YIPF7: variants seen among roughly 807,000 people sequenced by gnomAD.
YIPF7 encodes the protein Yip1 domain family member 7, also known as protein YIPF7.
YIPF7 carries 35 observed loss-of-function variants against 27.2 expected under a neutral mutation model. That is an observed-to-expected ratio of 1.29 (90% CI 0.98 to 1.70). YIPF7 has a LOEUF of 1.70. Among genes scored for constraint, YIPF7 ranks in the 40% most tolerant of loss-of-function variants. The pLI is 0.00. For synonymous variants in YIPF7, 137 were observed against 110.4 expected, an observed-to-expected ratio of 1.24 and a Z score of -1.51; for missense variants, 358 against 303.7, an observed-to-expected ratio of 1.18 and a Z score of -1.33.
chr4:44,631,381 C>T (rs1712891207), intron 3 of YIPF7, among the ~76,000 whole-genome samples: 1 of 152,138 alleles, frequency 6.6e-6, no homozygotes, highest in South Asian at 2.1e-4. Flanking sequence ...TATAGCTCAA[C>T]TTATTTTACA....
At chr4:44,639,819 T>C (rs1369930147) in intron 2 of YIPF7, among the ~76,000 whole-genome samples, 1 of 152,168 alleles carries the variant, frequency 6.6e-6, no homozygotes, top group Non-Finnish European at 1.5e-5. Context: ...CATGATGTTA[T>C]CTGTGGATTT....
intron 2 of YIPF7, among the ~76,000 whole-genome samples, chr4:44,645,588 A>G (rs1577741668): frequency 6.6e-6 from 1 of 152,232 alleles, no homozygotes; most frequent in South Asian, 2.1e-4. Flanking sequence ...GTATTATGCA[A>G]TATCTCCATT....
intron 5 of YIPF7, 136 bp downstream of exon 5, chr4:44,624,465 T>C: frequency 1.0e-6 from 1 of 989,382 alleles, no homozygotes; most frequent in South Asian, 2.0e-5. Context: ...TCTTAATCTA[T>C]GAGTAGCTTT....
chr4:44,644,955 C>G (rs1022128355), intron 2 of YIPF7, among the ~76,000 whole-genome samples: 2 of 152,184 alleles, frequency 1.3e-5, no homozygotes, highest in Non-Finnish European at 2.9e-5. Flanking sequence ...CCTCCCCACT[C>G]TCTCTTGGTT....
intron 2 of YIPF7, among the ~76,000 whole-genome samples, chr4:44,657,768 G>C (rs1383985027): frequency 2.0e-5 from 3 of 152,142 alleles, no homozygotes; most frequent in African/African-American, 7.2e-5. Flanking sequence ...TAACGATGCT[G>C]CTTTTCTAAG....
rs367822214 is a variant in YIPF7 at position 44,636,025 on chromosome 4, T to A, written c.177A>T (p.Ser59=). ...ASFVPSEMLM[S]SGYAGQFFQP... ...GAAAAAATTGTCCTGCGTAACCCGA[T>A]GACATGAGCATCTCTGATGGAACAA... The change falls in exon 3 of 6, where the codon TCA becomes TCT. Residue 59 remains serine (S), a synonymous_variant. Transcript: ENST00000415895. 1.3e-5 allele frequency: 21 copies of A among 1,613,858 alleles called. No homozygotes were observed. The highest frequency in any genetic ancestry group is 1.8e-5 in the Non-Finnish European group (21 of 1,179,804).
chr4:44,627,867 T>A (rs1278454847), intron 4 of YIPF7, among the ~76,000 whole-genome samples: 1 of 152,068 alleles, frequency 6.6e-6, no homozygotes, highest in East Asian at 1.9e-4. Context: ...CAGTTAAGAA[T>A]TTTTTGCCTC....
rs573605036 is a variant in YIPF7 at position 44,632,838 on chromosome 4, T to C, written c.280+3084A>G. On this transcript the variant is annotated intron_variant, in intron 3 of 5. Coordinates refer to ENST00000415895, the MANE Select transcript of YIPF7 (RefSeq NM_182592.3). ...TCCAAAATCCAGATATTTCATAGAT[T>C]CAAAGCACAAAATTATATTAGGTAC... Among the ~76,000 whole-genome samples the C allele has an allele frequency of 1.5e-4, 23 of 152,262 alleles. No individual in the cohort carries two copies. In the South Asian group the frequency reaches 4.4e-3, roughly 29 times the overall value.
At position 44,643,203 on chromosome 4, in the gene YIPF7, G is replaced by C. The variant is rs139595571; in HGVS notation, c.116+6782C>G. Among the ~76,000 whole-genome samples, 860 of 152,284 alleles carry C rather than the reference G, an allele frequency of 5.6e-3. 5 individuals are homozygous for C. The highest frequency in any genetic ancestry group is 0.04 in the East Asian group (207 of 5,166). ...GAGATGAGAAATTTAGTGGGAACTG[G>C]AGTAAAAGTCACTTTTTCTATGCTT... On this transcript the variant is annotated intron_variant, in intron 2 of 5. Coordinates refer to ENST00000415895, the MANE Select transcript of YIPF7 (RefSeq NM_182592.3).
At chr4:44,628,542 G>A (rs77756178) in intron 4 of YIPF7, among the ~76,000 whole-genome samples, 4,249 of 152,064 alleles carry the variant, frequency 0.028, 190 homozygotes, top group African/African-American at 0.098. Flanking sequence ...TTATCTCTTT[G>A]TGTCTTAATG....
At chr4:44,623,661 T>C (rs898042474) in intron 5 of YIPF7, among the ~76,000 whole-genome samples, 18 of 152,240 alleles carry the variant, frequency 1.2e-4, no homozygotes, top group African/African-American at 4.3e-4. Context: ...CATTTATTGA[T>C]TTAAATAAAA....
chr4:44,657,671 G>A (rs1241047502), intron 2 of YIPF7, among the ~76,000 whole-genome samples: 2 of 152,156 alleles, frequency 1.3e-5, no homozygotes, highest in Non-Finnish European at 2.9e-5. Context: ...CACCAGGACA[G>A]CTCATTCATA....
At chr4:44,635,570 G>A (rs1460103628) in intron 3 of YIPF7, among the ~76,000 whole-genome samples, 1 of 152,132 alleles carries the variant, frequency 6.6e-6, no homozygotes, top group African/African-American at 2.4e-5. Context: ...GTTATGAAGT[G>A]CTTCATTAAC....
intron 1 of YIPF7, 143 bp downstream of exon 1, chr4:44,651,411 A>G: frequency 4.4e-6 from 2 of 456,090 alleles, no homozygotes; most frequent in Admixed American, 8.3e-5. Flanking sequence ...TATAAAGCAT[A>G]GAGAGTAATT....
chr4:44,628,051 G>A (rs1480075609), intron 4 of YIPF7, among the ~76,000 whole-genome samples: 1 of 152,148 alleles, frequency 6.6e-6, no homozygotes, highest in East Asian at 1.9e-4. Context: ...AGAAAGATGA[G>A]TTAATATATT....
chr4:44,633,969 G>C (rs1447474294), intron 3 of YIPF7, among the ~76,000 whole-genome samples: 1 of 152,058 alleles, frequency 6.6e-6, no homozygotes, highest in African/African-American at 2.4e-5. Flanking sequence ...ATTCTACTCT[G>C]GAAGTGGAGT....
intron 5 of YIPF7, among the ~76,000 whole-genome samples, chr4:44,623,222 T>C (rs1161268579): frequency 1.3e-5 from 2 of 152,238 alleles, no homozygotes; most frequent in Admixed American, 6.5e-5. Flanking sequence ...GCAAATAAGA[T>C]AGTTAAGTCT....
chr4:44,627,926 C>T (rs1207521791), intron 4 of YIPF7, among the ~76,000 whole-genome samples: 1 of 152,124 alleles, frequency 6.6e-6, no homozygotes, highest in Non-Finnish European at 1.5e-5. Flanking sequence ...ATAACTCCAA[C>T]TAACATTATG....
At chr4:44,636,135 T>C (rs748068215) in intron 2 of YIPF7, 50 bp from the exon 3 acceptor site, 6 of 1,513,038 alleles carry the variant, frequency 4.0e-6, no homozygotes, top group East Asian at 2.3e-5. Flanking sequence ...AAAGGTATCA[T>C]GACAAAGGAG....
Sources: gnomAD v4.1 joint callset for allele counts (sites outside exome capture counted in the v4.1 genomes callset) on GRCh38, gnomAD v4.1.1 for gene constraint, MANE v1.5 for transcripts, NCBI Gene and HGNC (gene_info 2026-07-23, HGNC 2026-07-21) for gene names.